SELENOS: variants seen among roughly 807,000 people sequenced by gnomAD.
SELENOS encodes the protein VCP interacting membrane selenoprotein.
SELENOS carries 37 observed loss-of-function variants against 30.2 expected under a neutral mutation model. The ratio of observed to expected loss-of-function variants is 1.23; its 90% CI spans 0.94 to 1.61. SELENOS has a LOEUF of 1.61. SELENOS is among the 40% of genes most tolerant of loss of function. The pLI is 0.00. For synonymous variants in SELENOS, 119 were observed against 91.6 expected (o/e 1.30, Z -1.71); for missense variants, 289 against 231.8 (o/e 1.25, Z -1.60).
intron 2 of SELENOS, among the ~76,000 whole-genome samples, chr15:101,275,684 G>A (rs2039318198): frequency 6.6e-6 from 1 of 152,134 alleles, no homozygotes; most frequent in Non-Finnish European, 1.5e-5. Flanking sequence ...GGATACCTCA[G>A]TGACACCCAC....
downstream of SELENOS, chr15:101,271,174 C>T (rs2039264744): frequency 6.6e-6 from 1 of 152,204 alleles, no homozygotes; most frequent in Admixed American, 6.5e-5. Flanking sequence ...AGCCACTTCA[C>T]AAACATTTTC....
chr15:101,275,470 G>T (rs1009871536), intron 2 of SELENOS, 109 bp from the exon 3 acceptor site: 3 of 896,254 alleles, frequency 3.3e-6, no homozygotes, highest in Non-Finnish European at 3.2e-6. Flanking sequence ...ATCAGACAAT[G>T]AAACAACATA....
chr15:101,275,779 G>C lies in SELENOS; in HGVS notation c.212-418C>G, dbSNP rs2039319233. On this transcript the variant is annotated intron_variant, in intron 2 of 5. Coordinates refer to ENST00000526049, the MANE Select transcript of SELENOS (RefSeq NM_018445.6). Reference sequence around the variant, plus strand: ...CATTATCCATCCCTTAATTAGCGCAGAAGATTCTTAAGTATTTGTTTCTAC... The same window carrying C: ...CATTATCCATCCCTTAATTAGCGCACAAGATTCTTAAGTATTTGTTTCTAC... 3.3e-5 allele frequency among the ~76,000 whole-genome samples: 5 copies of C among 152,150 alleles called. No individual in the cohort carries two copies. The South Asian group carries it at 1.0e-3, about 32-fold the overall frequency.
Position 101,276,414 on chromosome 15 carries a change from A to ATTTTT in SELENOS, c.211+122_211+126dup, listed in dbSNP as rs57981941. 1.7e-3 allele frequency: 1,689 copies of ATTTTT among 975,174 alleles called. 17 individuals carry two copies. The African/African-American group carries it at 0.026, about 15-fold the overall frequency. The allele number at this position is 975,174 out of a possible 1,614,324, so 60.4% of individuals were successfully genotyped here. On this transcript the variant is annotated intron_variant, in intron 2 of 5. Coordinates refer to ENST00000526049, the MANE Select transcript of SELENOS (RefSeq NM_018445.6). The stretch of plus-strand genomic sequence containing the variant: ...CAGGTGCGTGCCGCCACTCCCGGCT[A>ATTTTT]TTTTTTTTTTTTTTAAATAGAGACA...
chr15:101,271,038 T>C (rs2039262373), downstream of SELENOS: 1 of 152,238 alleles, frequency 6.6e-6, no homozygotes, highest in African/African-American at 2.4e-5. Flanking sequence ...CTACTTTTTG[T>C]CGTTTATTTC....
chr15:101,272,296 C>A lies in SELENOS; in HGVS notation c.*475G>T, dbSNP rs545589877. The A allele has an allele frequency of 6.6e-6, 1 of 152,386 alleles. No homozygotes were observed. The highest frequency in any genetic ancestry group is 1.5e-5 in the Non-Finnish European group (1 of 68,190). The allele number at this position is 152,386 out of a possible 1,614,324, so 9.4% of individuals were successfully genotyped here. ...GTTATTCTTGTTTTTTAAATAGTTT[C>A]GTTTTTACAAAGTTCTGTACATAAA... On this transcript the variant is annotated 3_prime_UTR_variant, in exon 6 of 6. Coordinates refer to ENST00000526049, the MANE Select transcript of SELENOS (RefSeq NM_018445.6).
chr15:101,276,870 A>G, intron 1 of SELENOS, 195 bp from the exon 2 acceptor site: 1 of 632,288 alleles, frequency 1.6e-6, no homozygotes, highest in Non-Finnish European at 2.6e-6. Context: ...GAGAAGTGAG[A>G]CTTCCCAACC....
At chr15:101,275,396 G>A (rs117863416) in intron 2 of SELENOS, 35 bp from the exon 3 acceptor site, 2 of 1,489,604 alleles carry the variant, frequency 1.3e-6, no homozygotes, top group South Asian at 2.6e-5. Flanking sequence ...ATAAAGCACT[G>A]TGTACAATAT....
At chr15:101,274,724 C>T in intron 3 of SELENOS, 43 bp from the exon 4 acceptor site, 1 of 1,558,958 alleles carries the variant, frequency 6.4e-7, no homozygotes, top group Non-Finnish European at 8.7e-7. Flanking sequence ...CAGAAGCTGC[C>T]ATTTCTCTCA....
intron 2 of SELENOS, among the ~76,000 whole-genome samples, chr15:101,275,911 T>G (rs1254704295): frequency 7.0e-6 from 1 of 143,582 alleles, no homozygotes; most frequent in South Asian, 2.2e-4. Flanking sequence ...CTAGACTCCA[T>G]CTCATAGAAA....
At chr15:101,275,898 A>T (rs2039320340) in intron 2 of SELENOS, among the ~76,000 whole-genome samples, 1 of 150,650 alleles carries the variant, frequency 6.6e-6, no homozygotes, top group Non-Finnish European at 1.5e-5. Context: ...CTTTGCAACA[A>T]GGCTAGACTC....
chr15:101,274,821 G>C, intron 3 of SELENOS, 140 bp from the exon 4 acceptor site: 1 of 915,214 alleles, frequency 1.1e-6, no homozygotes, highest in South Asian at 1.6e-5. Flanking sequence ...TAAAACTGTT[G>C]TGATCTGGTA....
At chr15:101,273,363 G>C (rs2039290607) in intron 5 of SELENOS, among the ~76,000 whole-genome samples, 1 of 152,164 alleles carries the variant, frequency 6.6e-6, no homozygotes. Context: ...ACCTGGTTGA[G>C]TGCTAAGGTT....
downstream of SELENOS, chr15:101,271,152 T>C (rs1324581402): frequency 2.0e-5 from 3 of 152,234 alleles, no homozygotes; most frequent in Admixed American, 6.5e-5. Flanking sequence ...ACTCATGCGA[T>C]GTGTAGTTGA....
intron 3 of SELENOS, 131 bp from the exon 4 acceptor site, chr15:101,274,812 A>G (rs1478569728): frequency 8.0e-6 from 8 of 1,003,356 alleles, no homozygotes; most frequent in Non-Finnish European, 1.2e-5. Flanking sequence ...TTTAGTTAAT[A>G]AAACTGTTGT....
rs1384965946 is a variant in SELENOS at position 101,275,294 on chromosome 15, T to C, written c.279A>G (p.Leu93=). Residue 93 remains leucine (L), a synonymous_variant, in exon 3 of 6, where the codon CTA becomes CTG. Coordinates refer to ENST00000526049, the MANE Select transcript of SELENOS (RefSeq NM_018445.6). Reference sequence around the variant, plus strand: ...CCTTATGCTTTTCAACTTGCGCATTTAGTTCTTCTTGCATTTTCAGTCGAG... The same window carrying C: ...CCTTATGCTTTTCAACTTGCGCATTCAGTTCTTCTTGCATTTTCAGTCGAG... ...AAARLKMQEE[L]NAQVEKHKEK... The C allele has an allele frequency of 8.9e-6, 14 of 1,579,060 alleles. No individual in the cohort carries two copies. The highest frequency in any genetic ancestry group is 1.1e-5 in the Non-Finnish European group (13 of 1,161,588).
downstream of SELENOS, chr15:101,270,985 A>G (rs924443571): frequency 9.6e-4 from 146 of 152,338 alleles, no homozygotes; most frequent in African/African-American, 3.4e-3. Flanking sequence ...ATCAGGTTTC[A>G]AGGTAGTCAG....
At chr15:101,275,888 C>T (rs932941357) in intron 2 of SELENOS, among the ~76,000 whole-genome samples, 6 of 149,542 alleles carry the variant, frequency 4.0e-5, no homozygotes, top group South Asian at 2.1e-4. Flanking sequence ...GAGTCTCGCT[C>T]TTTGCAACAA....
downstream of SELENOS, chr15:101,272,177 ATAAG>A (rs1419962286): frequency 6.6e-6 from 1 of 152,274 alleles, no homozygotes; most frequent in African/African-American, 2.4e-5. Flanking sequence ...AAATAGAGAA[ATAAG>A]TAATAGTTAG....
Sources: allele counts gnomAD v4.1 joint callset (sites outside exome capture counted in the v4.1 genomes callset), GRCh38; gene constraint gnomAD v4.1.1; transcripts MANE v1.5; gene names NCBI Gene and HGNC (gene_info 2026-07-23, HGNC 2026-07-21).